Variants in NAV2 observed in about 807,000 individuals in gnomAD.
The protein encoded by NAV2 is neuron navigator 2.
In NAV2, 54 loss-of-function variants were observed where a neutral mutation model predicts 223.2. The observed-to-expected ratio is 0.24, with a 90% CI of 0.19 to 0.30. The LOEUF is 0.30. Among genes scored for constraint, NAV2 ranks in the 10% least tolerant of loss-of-function variants. The probability of loss-of-function intolerance (pLI) is 1.00; values close to 1 mark genes in which losing one functional copy is unlikely to be tolerated. For synonymous variants in NAV2, 1,279 were observed against 1,239.3 expected (o/e 1.03, Z -0.67); for missense variants, 2,806 against 3,147.5 (o/e 0.89, Z 2.60).
intron 6 of NAV2, among the ~76,000 whole-genome samples, chr11:19,917,127 C>A (rs2043868314): frequency 6.6e-6 from 1 of 152,178 alleles, no homozygotes; most frequent in Admixed American, 6.5e-5. Flanking sequence ...GCTTCAAGAA[C>A]CTACCTGCCT....
intron 11 of NAV2, among the ~76,000 whole-genome samples, chr11:20,014,862 A>G (rs1000537174): frequency 6.6e-6 from 1 of 152,170 alleles, no homozygotes; most frequent in African/African-American, 2.4e-5. Flanking sequence ...AGATCACACC[A>G]CTGCACTCCA....
At chr11:19,911,250 G>A (rs2043288236) in intron 6 of NAV2, among the ~76,000 whole-genome samples, 1 of 152,136 alleles carries the variant, frequency 6.6e-6, no homozygotes. Flanking sequence ...GGACATTTAT[G>A]TCTGGAAGGA....
chr11:19,574,298 G>A (rs1426380411), intron 1 of NAV2, among the ~76,000 whole-genome samples: 1 of 152,188 alleles, frequency 6.6e-6, no homozygotes, highest in Non-Finnish European at 1.5e-5. Context: ...TGTTTATTAT[G>A]ATTTATTATT....
At chr11:19,581,730 G>A (rs2045725093) in intron 1 of NAV2, among the ~76,000 whole-genome samples, 3 of 152,176 alleles carry the variant, frequency 2.0e-5, no homozygotes, top group South Asian at 2.1e-4. Context: ...ATTCCATGGT[G>A]TATATGTGCC....
chr11:19,907,534 G>GGGGT (rs1565536145), intron 6 of NAV2, among the ~76,000 whole-genome samples: 6 of 152,104 alleles, frequency 3.9e-5, no homozygotes, highest in African/African-American at 7.2e-5. Context: ...TAGGGGGAGG[G>GGGGT]GGAATTTGAG....
chr11:20,045,784 T>A, intron 14 of NAV2, 114 bp downstream of exon 14: 2 of 893,828 alleles, frequency 2.2e-6, no homozygotes, highest in Non-Finnish European at 3.3e-6. Context: ...AGTCCTCCAG[T>A]AAAGCTGTTT....
chr11:20,060,470 G>A (rs899759691), intron 19 of NAV2, among the ~76,000 whole-genome samples: 2 of 152,222 alleles, frequency 1.3e-5, no homozygotes, highest in African/African-American at 4.8e-5. Flanking sequence ...TTTTTTATGG[G>A]CATGAGTCAG....
At chr11:20,075,702 C>T (rs1564996328) in intron 22 of NAV2, among the ~76,000 whole-genome samples, 1 of 152,110 alleles carries the variant, frequency 6.6e-6, no homozygotes, top group Non-Finnish European at 1.5e-5. Context: ...ACAGGCCTCT[C>T]TTTACCCCTC....
chr11:19,862,769 G>A (rs1387635942), intron 3 of NAV2, among the ~76,000 whole-genome samples: 3 of 151,958 alleles, frequency 2.0e-5, no homozygotes, highest in African/African-American at 4.8e-5. Context: ...GATACAGGTG[G>A]ACAAAAAAAA....
chr11:19,877,470 C>CTTTTTTTTTTTTTTCTTTTTTTTTTTCT (rs1555114909), intron 4 of NAV2, among the ~76,000 whole-genome samples: 46 of 82,558 alleles, frequency 5.6e-4, no homozygotes, highest in African/African-American at 1.0e-3. Flanking sequence ...TATCTTCATT[C>CTTTTTTTTTTTTTTCTTTTTTTTTTTCT]TTTTTTTTTT....
Position 19,879,928 on chromosome 11 carries a change from A to G in NAV2, c.571A>G (p.Lys191Glu), listed in dbSNP as rs2063094418. The G allele has an allele frequency of 6.2e-7, 1 of 1,612,110 alleles. No homozygotes were observed. The highest frequency in any genetic ancestry group is 8.5e-7 in the Non-Finnish European group (1 of 1,179,068). ...LGLFFSLSRY[K>E]QQQQQPQKQH... is the part of the protein sequence containing the mutation. ...CCTCTTCTTCAGCCTCTCCCGATAC[A>G]AGCAGCAGCAGCAGCAGCCCCAGAA... Residue 191 changes from lysine (K) to glutamate (E), a missense_variant, in exon 5 of 38, where the codon AAG becomes GAG. Around this residue, in one of 4 missense-constraint regions of NAV2, gnomAD observed 1,167 missense variants for 1,180.5 expected, o/e 0.99. Coordinates refer to ENST00000349880, the MANE Select transcript of NAV2 (RefSeq NM_145117.5).
Position 20,090,931 on chromosome 11 carries a change from G to A in NAV2, c.5565G>A (p.Lys1855=). The A allele has an allele frequency of 1.2e-6, 2 of 1,613,968 alleles. No individual in the cohort carries two copies. The highest frequency in any genetic ancestry group is 1.7e-6 in the Non-Finnish European group (2 of 1,179,880). The change falls in exon 27 of 38, where the codon AAG becomes AAA. Residue 1855 remains lysine, a synonymous_variant. Coordinates refer to ENST00000349880, the MANE Select transcript of NAV2 (RefSeq NM_145117.5). ...VMQLRNELRD[K]EMKLTDIRLE... is the part of the protein sequence containing the mutation. ...AGCTCCGAAATGAGTTAAGAGACAA[G>A]GAGATGAAGCTGACGGATATCCGCT...
intron 1 of NAV2, among the ~76,000 whole-genome samples, chr11:19,813,772 G>A (rs2058956960): frequency 1.3e-5 from 2 of 152,208 alleles, no homozygotes; most frequent in Admixed American, 1.3e-4. Flanking sequence ...CGCTGCTGCT[G>A]TGGGTTGAGC....
intron 1 of NAV2, among the ~76,000 whole-genome samples, chr11:19,694,251 T>C (rs1456993099): frequency 6.6e-6 from 1 of 152,148 alleles, no homozygotes; most frequent in Non-Finnish European, 1.5e-5. Flanking sequence ...CTGCACTGTG[T>C]GGGGAGTTCT....
chr11:19,842,198 G>A lies in NAV2; in HGVS notation c.386-673G>A, dbSNP rs117388995. On this transcript the variant is annotated intron_variant, in intron 2 of 37. Transcript: ENST00000349880. ...GCATTCACCCAGGGAAGCTGGGCCA[G>A]TCCTCCTTTGTATTAGTACTTGATT... Among the ~76,000 whole-genome samples the A allele has an allele frequency of 9.4e-3, 1,425 of 152,304 alleles. 10 individuals are homozygous for A. Among genetic ancestry groups the A allele is most frequent in the Non-Finnish European group, 0.015 (994 of 68,032 alleles).
chr11:19,939,893 G>A, intron 8 of NAV2, 120 bp downstream of exon 8: 1 of 558,768 alleles, frequency 1.8e-6, no homozygotes, highest in Non-Finnish European at 3.0e-6. Context: ...TTGACTTTGA[G>A]CTAAACAAAC....
At chr11:19,890,165 C>T (rs2041379768) in intron 5 of NAV2, among the ~76,000 whole-genome samples, 1 of 152,172 alleles carries the variant, frequency 6.6e-6, no homozygotes, top group African/African-American at 2.4e-5. Flanking sequence ...AATCATTATT[C>T]ATCATTATTC....
chr11:20,103,696 C>T lies in NAV2; in HGVS notation c.6616C>T (p.Pro2206Ser), dbSNP rs145193330. 34 of 1,614,080 alleles carry T rather than the reference C, an allele frequency of 2.1e-5. No homozygotes were observed. In the African/African-American group the frequency reaches 4.4e-4, roughly 21 times the overall value. ...AATGAACCAGGCTACCTCTTCGACT[C>T]CCAACCTGCAGCTTCACCATAACTT... ...GTMNQATSST[P>S]NLQLHHNFRW... The change falls in exon 34 of 38, where the codon CCC becomes TCC. Residue 2206 changes from proline (P) to serine (S), a missense_variant. By Grantham distance (74) the Pro-to-Ser change is moderately conservative. Coordinates refer to ENST00000349880, the MANE Select transcript of NAV2 (RefSeq NM_145117.5).
chr11:19,392,773 A>G (rs1849299505), intron 1 of NAV2, among the ~76,000 whole-genome samples: 1 of 152,200 alleles, frequency 6.6e-6, no homozygotes, highest in South Asian at 2.1e-4. Context: ...CATAGTTCCT[A>G]CCTGGTCAGA....
Sources: allele counts gnomAD v4.1 joint callset (sites outside exome capture counted in the v4.1 genomes callset), GRCh38; gene constraint gnomAD v4.1.1; regional missense constraint gnomAD v4.1.1; transcripts MANE v1.5; gene names NCBI Gene and HGNC (gene_info 2026-07-23, HGNC 2026-07-21).